The following CEP112 variants were observed in gnomAD, a reference collection of about 807,000 sequenced individuals.
The protein encoded by CEP112 is centrosomal protein of 112 kDa.
Under a neutral mutation model 153.0 loss-of-function variants are expected in CEP112, and 127 were observed. The ratio of observed to expected loss-of-function variants is 0.83; its 90% CI spans 0.72 to 0.96. CEP112 has a LOEUF of 0.96. Among genes scored for constraint, CEP112 ranks in the 40% least tolerant of loss-of-function variants. The probability of loss-of-function intolerance (pLI) is 0.00; values close to 1 mark genes in which losing one functional copy is unlikely to be tolerated. For missense variants in CEP112, 1,089 were observed against 1,101.2 expected, an observed-to-expected ratio of 0.99 and a Z score of 0.16; for synonymous variants, 358 against 374.4, an observed-to-expected ratio of 0.96 and a Z score of 0.51.
intron 18 of CEP112, among the ~76,000 whole-genome samples, chr17:65,950,799 G>GC (rs2061803977): frequency 6.6e-6 from 1 of 151,932 alleles, no homozygotes; most frequent in Non-Finnish European, 1.5e-5. Context: ...AGTGGCAAAA[G>GC]CAGACATCTT....
intron 20 of CEP112, among the ~76,000 whole-genome samples, chr17:65,870,069 G>GAAAGA (rs2058615302): frequency 1.4e-5 from 2 of 142,956 alleles, no homozygotes; most frequent in South Asian, 2.2e-4. Flanking sequence ...AAGAAAGAAA[G>GAAAGA]AAAGAAAGAA....
At chr17:66,011,981 C>A (rs148590501) in intron 16 of CEP112, among the ~76,000 whole-genome samples, 32 of 152,236 alleles carry the variant, frequency 2.1e-4, no homozygotes, top group African/African-American at 7.7e-4. Context: ...CAATGTCCTT[C>A]TTTGTCTTTT....
intron 23 of CEP112, among the ~76,000 whole-genome samples, chr17:65,727,082 G>A (rs1351455706): frequency 6.6e-6 from 1 of 152,152 alleles, no homozygotes; most frequent in Non-Finnish European, 1.5e-5. Flanking sequence ...CTCCACAGAG[G>A]CCACACTGGT....
At chr17:65,745,850 G>A (rs917130139) in intron 22 of CEP112, among the ~76,000 whole-genome samples, 10 of 152,054 alleles carry the variant, frequency 6.6e-5, no homozygotes, top group African/African-American at 2.4e-4. Context: ...AATATCCTGG[G>A]ATACTTCAAA....
At chr17:65,855,144 G>T (rs531625392) in intron 20 of CEP112, among the ~76,000 whole-genome samples, 1 of 152,092 alleles carries the variant, frequency 6.6e-6, no homozygotes, top group South Asian at 2.1e-4. Flanking sequence ...CAGTCCTAAG[G>T]GGGTACAGCC....
intron 24 of CEP112, among the ~76,000 whole-genome samples, chr17:65,675,704 A>G (rs2047201568): frequency 6.6e-6 from 1 of 151,994 alleles, no homozygotes; most frequent in South Asian, 2.1e-4. Context: ...TTAGTAGACC[A>G]AAATCCATCT....
intron 17 of CEP112, among the ~76,000 whole-genome samples, chr17:65,984,984 T>C (rs1266788724): frequency 6.6e-6 from 1 of 152,142 alleles, no homozygotes; most frequent in African/African-American, 2.4e-5. Context: ...TGGAGGTCAC[T>C]GGTATCCCTA....
Position 65,720,993 on chromosome 17 carries a change from A to ATC in CEP112, c.2607+22073_2607+22074dup, listed in dbSNP as rs1311977514. Among the ~76,000 whole-genome samples, 132 of 128,232 alleles carry ATC rather than the reference A, an allele frequency of 1.0e-3. 1 individual carries two copies. The highest frequency in any genetic ancestry group is 1.4e-3 in the Non-Finnish European group (92 of 63,626). The allele number at this position is 128,232 out of a possible 152,430, so 84.1% of individuals were successfully genotyped here. Reference sequence around the variant, plus strand: ...TCCAGAATCCATGCTTTTAAGTTTTATCTCTCTCTCTCTCTCTTTTTTTTT... The same window carrying ATC: ...TCCAGAATCCATGCTTTTAAGTTTTATCTCTCTCTCTCTCTCTCTTTTTTTTT... On this transcript the variant is annotated intron_variant, in intron 23 of 26. Coordinates refer to ENST00000535342, the MANE Select transcript of CEP112 (RefSeq NM_001199165.4).
chr17:65,784,930 C>CA (rs1169036059), intron 21 of CEP112, among the ~76,000 whole-genome samples: 1 of 151,926 alleles, frequency 6.6e-6, no homozygotes, highest in East Asian at 1.9e-4. Flanking sequence ...TTCATCACCT[C>CA]AAAAAAACAA....
chr17:65,729,542 C>A (rs1482238022), intron 23 of CEP112, among the ~76,000 whole-genome samples: 2 of 152,142 alleles, frequency 1.3e-5, no homozygotes, highest in Non-Finnish European at 2.9e-5. Context: ...GTTCATTATA[C>A]TGCCTTTGAA....
intron 24 of CEP112, among the ~76,000 whole-genome samples, chr17:65,683,122 G>A (rs2047610777): frequency 1.3e-5 from 2 of 152,114 alleles, no homozygotes; most frequent in Admixed American, 6.5e-5. Flanking sequence ...CCTGTGCCTT[G>A]GTGAGGGTAT....
intron 24 of CEP112, among the ~76,000 whole-genome samples, chr17:65,669,642 G>A (rs764758028): frequency 7.2e-5 from 11 of 152,208 alleles, no homozygotes; most frequent in African/African-American, 9.6e-5. Context: ...GGTGGCTCAT[G>A]CCTGTAATCC....
chr17:65,972,085 A>G (rs912927708), intron 17 of CEP112, among the ~76,000 whole-genome samples: 5 of 152,176 alleles, frequency 3.3e-5, no homozygotes, highest in African/African-American at 1.2e-4. Context: ...ATTCCACCCA[A>G]TCAAAGAAGA....
chr17:65,870,241 G>T (rs151303533), intron 20 of CEP112, among the ~76,000 whole-genome samples: 1 of 151,874 alleles, frequency 6.6e-6, no homozygotes, highest in Non-Finnish European at 1.5e-5. Flanking sequence ...TAATGATACC[G>T]GTAAAGATTC....
intron 24 of CEP112, among the ~76,000 whole-genome samples, chr17:65,645,164 A>G (rs2045366356): frequency 6.6e-6 from 1 of 151,778 alleles, no homozygotes; most frequent in African/African-American, 2.4e-5. Context: ...CAGAGACACA[A>G]ACTTTGCATG....
At chr17:66,120,829 A>ATTGC (rs920575857) in intron 6 of CEP112, among the ~76,000 whole-genome samples, 5 of 150,546 alleles carry the variant, frequency 3.3e-5, no homozygotes, top group African/African-American at 1.2e-4. Flanking sequence ...GATTTTCATT[A>ATTGC]TTGCTTGTGT....
At position 66,070,279 on chromosome 17, in the gene CEP112, G is replaced by A. The variant is rs778419700; in HGVS notation, c.769-278C>T. Among the ~76,000 whole-genome samples the A allele has an allele frequency of 1.1e-4, 17 of 151,952 alleles. 1 individual carries two copies. The highest frequency in any genetic ancestry group is 2.4e-5 in the African/African-American group (1 of 41,356). Reference sequence around the variant, plus strand: ...TTCACTACTCTCCCCATTCTCTCCCGCACAAAAGAGAAAGGCATTTTAAAG... The same window carrying A: ...TTCACTACTCTCCCCATTCTCTCCCACACAAAAGAGAAAGGCATTTTAAAG... On this transcript the variant is annotated intron_variant, in intron 8 of 26. Coordinates refer to ENST00000535342, the MANE Select transcript of CEP112 (RefSeq NM_001199165.4).
intron 12 of CEP112, among the ~76,000 whole-genome samples, chr17:66,047,265 C>G (rs985895214): frequency 2.6e-5 from 4 of 151,972 alleles, no homozygotes; most frequent in Admixed American, 1.3e-4. Flanking sequence ...TACAGGCACA[C>G]GCCACCATGC....
At chr17:65,863,776 C>G (rs4791115) in intron 20 of CEP112, among the ~76,000 whole-genome samples, 102,758 of 146,216 alleles carry the variant, frequency 0.7, 36,758 homozygotes, top group Middle Eastern at 0.83. Flanking sequence ...AAAAAAGAAA[C>G]AAAATGGTAG....
Sources: gnomAD v4.1 joint callset for allele counts (sites outside exome capture counted in the v4.1 genomes callset) on GRCh38, gnomAD v4.1.1 for gene constraint, MANE v1.5 for transcripts, NCBI Gene and HGNC (gene_info 2026-07-23, HGNC 2026-07-21) for gene names.